Variants in CDIP1 observed in about 807,000 individuals in gnomAD.
CDIP1 encodes cell death-inducing p53-target protein 1.
Under a neutral mutation model 17.7 loss-of-function variants are expected in CDIP1, and 9 were observed. The ratio of observed to expected loss-of-function variants is 0.51; its 90% CI spans 0.31 to 0.89. The LOEUF is 0.89. CDIP1 is among the 40% of genes least tolerant of loss of function. The probability of loss-of-function intolerance (pLI) is 0.05; values close to 1 mark genes in which losing one functional copy is unlikely to be tolerated. For synonymous variants in CDIP1, 117 were observed against 109.5 expected, an observed-to-expected ratio of 1.07 and a Z score of -0.43; for missense variants, 263 against 277.9, an observed-to-expected ratio of 0.95 and a Z score of 0.38.
At chr16:4,517,064 G>A (rs1357237807) in intron 1 of CDIP1, among the ~76,000 whole-genome samples, 1 of 152,118 alleles carries the variant, frequency 6.6e-6, no homozygotes, top group African/African-American at 2.4e-5. Flanking sequence ...CTGCTTTCAT[G>A]AAATACAAGA....
chr16:4,524,387 C>G (rs2141646727), intron 1 of CDIP1: 1 of 152,388 alleles, frequency 6.6e-6, no homozygotes, highest in Non-Finnish European at 1.5e-5. Context: ...GCCAGCTGCA[C>G]CCAAATCCAC....
intron 1 of CDIP1, among the ~76,000 whole-genome samples, chr16:4,529,745 T>G (rs764604599): frequency 2.6e-5 from 4 of 152,210 alleles, no homozygotes; most frequent in Non-Finnish European, 5.9e-5. Flanking sequence ...TTGGGTTGAC[T>G]CTATTCAACC....
rs2058836971 is a variant in CDIP1, at chr16:4,512,176, C to CT, written c.*395dup. On this transcript the variant is annotated 3_prime_UTR_variant, in exon 6 of 6. Coordinates refer to ENST00000567695, the MANE Select transcript of CDIP1 (RefSeq NM_013399.3). The surrounding 1 kb of genome is among the most constrained non-coding windows in gnomAD (Gnocchi z 4.6). ...GTCAGAAACGCCTGTGGCCACAGGCCTGGGGACTAACTGGCTAACTGCTCT... is the reference window on the plus strand; with the variant it reads ...GTCAGAAACGCCTGTGGCCACAGGCCTTGGGGACTAACTGGCTAACTGCTCT... 1 of 241,706 alleles carries CT rather than the reference C, an allele frequency of 4.1e-6. No homozygotes were observed. 15.0% of individuals were successfully genotyped at this position (241,706 alleles called of 1,614,324 possible).
chr16:4,533,737 T>G (rs1341167222), intron 1 of CDIP1: 2 of 105,362 alleles, frequency 1.9e-5, no homozygotes. Context: ...ACTCTTTCCC[T>G]GGCCTCCAAA....
intron 1 of CDIP1, among the ~76,000 whole-genome samples, chr16:4,528,270 C>T (rs192373204): frequency 3.9e-5 from 6 of 152,278 alleles, no homozygotes; most frequent in Admixed American, 2.0e-4. Context: ...TGGAGAACAG[C>T]GTCCTGATAT....
At chr16:4,523,884 T>C (rs2058975264) in intron 1 of CDIP1, 1 of 152,252 alleles carries the variant, frequency 6.6e-6, no homozygotes, top group African/African-American at 2.4e-5. Context: ...CAGGGTTTGT[T>C]CCAGAGCTCA....
chr16:4,521,858 G>A (rs1398168093), intron 1 of CDIP1, among the ~76,000 whole-genome samples: 3 of 152,168 alleles, frequency 2.0e-5, no homozygotes, highest in African/African-American at 7.2e-5. Flanking sequence ...CAGGGTGGGA[G>A]TGAGGTTGAA....
chr16:4,522,466 C>G (rs1336250748), intron 1 of CDIP1: 5 of 152,306 alleles, frequency 3.3e-5, no homozygotes, highest in Non-Finnish European at 4.4e-5. Flanking sequence ...AGAGGGGCTC[C>G]TCTGTCCCCA....
intron 1 of CDIP1, among the ~76,000 whole-genome samples, chr16:4,525,530 G>A (rs1417208611): frequency 6.6e-6 from 1 of 152,100 alleles, no homozygotes; most frequent in Non-Finnish European, 1.5e-5. Flanking sequence ...ACTGCTCCTG[G>A]GCCCCAAACC....
intron 1 of CDIP1, among the ~76,000 whole-genome samples, chr16:4,534,269 A>G (rs1596498371): frequency 6.6e-6 from 1 of 152,048 alleles, no homozygotes; most frequent in Admixed American, 6.6e-5. Flanking sequence ...GCCATTCTTA[A>G]CCCAAAGGCC....
In CDIP1 at chr16:4,512,534, C is replaced by G; in HGVS notation, c.*38G>C. 6.8e-7 allele frequency: 1 copy of G among 1,462,840 alleles called. No homozygotes were observed. The highest frequency in any genetic ancestry group is 1.1e-5 in the South Asian group (1 of 87,988). The allele number at this position is 1,462,840 out of a possible 1,614,324, so 90.6% of individuals were successfully genotyped here. A position where few individuals can be genotyped will look rare whatever the true frequency, so the allele number is the denominator to read the frequency against. The stretch of plus-strand genomic sequence containing the variant: ...GCACAGGGAGCAAAGCACAGGGGGC[C>G]AGACTGACAGGCGGGGGAGTCCCGA... On this transcript the variant is annotated 3_prime_UTR_variant, in exon 6 of 6. Transcript: ENST00000567695. This position sits in a 1 kb window ranked among gnomAD's most constrained non-coding sequence, Gnocchi z 4.6.
At chr16:4,531,757 A>G (rs1330132260) in intron 1 of CDIP1, among the ~76,000 whole-genome samples, 2 of 152,178 alleles carry the variant, frequency 1.3e-5, no homozygotes, top group Admixed American at 6.5e-5. Context: ...TTTCTCACAC[A>G]TTCTCCAGAA....
rs1175574626 is a variant in CDIP1, at chr16:4,512,633, T to C, written c.566A>G (p.Asp189Gly). ...GCAGCTGGGGCATGTGTGCGTCACA[T>C]CCTTGAAGTCATTGATGAGGCAGGG... ...LIPCLINDFK[D>G]VTHTCPSCKA... The change falls in exon 6 of 6, where the codon GAT becomes GGT. Residue 189 changes from aspartate to glycine, a missense_variant. Asp to Gly is a moderately conservative substitution (Grantham distance 94, BLOSUM62 -1). Coordinates refer to ENST00000567695, the MANE Select transcript of CDIP1 (RefSeq NM_013399.3). The surrounding 1 kb of genome is among the most constrained non-coding windows in gnomAD (Gnocchi z 4.6). 6.2e-7 allele frequency: 1 copy of C among 1,614,034 alleles called. No individual in the cohort carries two copies. Among genetic ancestry groups the C allele is most frequent in the Non-Finnish European group, 8.5e-7 (1 of 1,179,970 alleles).
chr16:4,513,565 G>C lies in CDIP1; in HGVS notation c.241+131C>G. 1.3e-6 allele frequency: 1 copy of C among 773,474 alleles called. No homozygotes were observed. Among genetic ancestry groups the C allele is most frequent in the Non-Finnish European group, 2.2e-6 (1 of 459,126 alleles). 47.9% of individuals were successfully genotyped at this position (773,474 alleles called of 1,614,324 possible). On this transcript the variant is annotated intron_variant, in intron 4 of 5. Coordinates refer to ENST00000567695, the MANE Select transcript of CDIP1 (RefSeq NM_013399.3). The surrounding 1 kb of genome is among the most constrained non-coding windows in gnomAD (Gnocchi z 4.1). ...CTGTCCACACACAGCCTGAGCCCTAGGCAAGGGCTGGTTGGGCGTGTTGGA... is the reference window on the plus strand; with the variant it reads ...CTGTCCACACACAGCCTGAGCCCTACGCAAGGGCTGGTTGGGCGTGTTGGA...
Position 4,513,811 on chromosome 16 carries a change from C to T in CDIP1, c.126G>A (p.Met42Ile). 1 of 1,598,536 alleles carries T rather than the reference C, an allele frequency of 6.3e-7. No individual in the cohort carries two copies. Among genetic ancestry groups the T allele is most frequent in the South Asian group, 1.1e-5 (1 of 88,802 alleles). ...SPAVMQPPPG[M>I]PLPPADIGPP... is the part of the protein sequence containing the mutation. ...GGCCAATGTCCGCAGGGGGCAGTGG[C>T]ATGCCTGGAGGGGGCTGCATCACAG... Residue 42 changes from methionine (M) to isoleucine (I), a missense_variant, in exon 4 of 6, where the codon ATG becomes ATA. Coordinates refer to ENST00000567695, the MANE Select transcript of CDIP1 (RefSeq NM_013399.3). This position sits in a 1 kb window ranked among gnomAD's most constrained non-coding sequence, Gnocchi z 4.1.
intron 1 of CDIP1, among the ~76,000 whole-genome samples, chr16:4,517,286 A>C (rs2058898084): frequency 6.6e-6 from 1 of 152,174 alleles, no homozygotes; most frequent in Admixed American, 6.5e-5. Flanking sequence ...CATCTTTCCA[A>C]GTGTTCAGAA....
chr16:4,522,790 G>A (rs971540608), intron 1 of CDIP1, among the ~76,000 whole-genome samples: 1 of 152,198 alleles, frequency 6.6e-6, no homozygotes, highest in Non-Finnish European at 1.5e-5. Context: ...CAGGGACAGG[G>A]CAGCGGGAAA....
intron 1 of CDIP1, among the ~76,000 whole-genome samples, chr16:4,537,614 G>C (rs1172573303): frequency 2.0e-5 from 3 of 152,212 alleles, no homozygotes; most frequent in African/African-American, 7.2e-5. Flanking sequence ...CTCAGCCCCA[G>C]CTGCGCCCGG....
chr16:4,530,371 T>G (rs1263956808), intron 1 of CDIP1, among the ~76,000 whole-genome samples: 1 of 152,124 alleles, frequency 6.6e-6, no homozygotes, highest in Non-Finnish European at 1.5e-5. Context: ...GTATATAGAC[T>G]GGGTGCAGTG....
Sources: gnomAD v4.1 joint callset for allele counts (sites outside exome capture counted in the v4.1 genomes callset) on GRCh38, gnomAD v4.1.1 for gene constraint, Gnocchi (gnomAD v3.1) non-coding constraint, MANE v1.5 for transcripts, NCBI Gene and HGNC (gene_info 2026-07-23, HGNC 2026-07-21) for gene names.